Variants in COL25A1 observed in about 807,000 individuals in gnomAD.
The protein encoded by COL25A1 is collagen type XXV alpha 1 chain.
COL25A1 carries 103 observed loss-of-function variants against 128.4 expected under a neutral mutation model. The observed-to-expected ratio is 0.80, with a 90% CI of 0.68 to 0.94. The LOEUF (loss-of-function observed/expected upper bound fraction) is 0.94. Among genes scored for constraint, COL25A1 ranks in the 40% least tolerant of loss-of-function variants. COL25A1 has a pLI of 0.00. For missense variants in COL25A1, 745 were observed against 840.0 expected, an observed-to-expected ratio of 0.89 and a Z score of 1.40; for synonymous variants, 279 against 277.2, an observed-to-expected ratio of 1.01 and a Z score of -0.06.
At chr4:108,998,689 G>T (rs1182908682) in intron 6 of COL25A1, among the ~76,000 whole-genome samples, 1 of 152,182 alleles carries the variant, frequency 6.6e-6, no homozygotes, top group African/African-American at 2.4e-5. Context: ...AAAGCTGGAG[G>T]CAACATGCTA....
intron 3 of COL25A1, among the ~76,000 whole-genome samples, chr4:109,202,112 A>G (rs1273884101): frequency 6.6e-6 from 1 of 152,184 alleles, no homozygotes; most frequent in Non-Finnish European, 1.5e-5. Context: ...GTGAATACTG[A>G]CAAACTAAAT....
intron 6 of COL25A1, among the ~76,000 whole-genome samples, chr4:109,001,388 T>TGTCAGGTAGGCATCTGAGATCCA (rs1755368483): frequency 2.0e-5 from 3 of 152,196 alleles, no homozygotes; most frequent in Admixed American, 6.5e-5. Context: ...TCTGAGATCC[T>TGTCAGGTAGGCATCTGAGATCCA]GTCAGGTAGG....
chr4:108,917,367 T>G (rs1286946814), intron 13 of COL25A1, among the ~76,000 whole-genome samples: 2 of 152,118 alleles, frequency 1.3e-5, no homozygotes, highest in Non-Finnish European at 2.9e-5. Context: ...AGATAATGGG[T>G]CGCAGAGTAT....
At chr4:108,944,760 G>A (rs1005552065) in intron 8 of COL25A1, among the ~76,000 whole-genome samples, 10 of 151,610 alleles carry the variant, frequency 6.6e-5, no homozygotes, top group African/African-American at 2.4e-4. Flanking sequence ...GAGATCTAAA[G>A]AGAGAATTGG....
rs140578335 is a variant in COL25A1 at position 109,190,571 on chromosome 4, T to G, written c.367+110012A>C. 3.7e-3 allele frequency among the ~76,000 whole-genome samples: 569 copies of G among 152,258 alleles called. 2 individuals are homozygous for G. The highest frequency in any genetic ancestry group is 0.013 in the African/African-American group (524 of 41,556). On this transcript the variant is annotated intron_variant, in intron 3 of 37. Coordinates refer to ENST00000399132, the MANE Select transcript of COL25A1 (RefSeq NM_198721.4). Reference sequence around the variant, plus strand: ...CAGGTGAGAGATTGAGGTTGTAAAATAAGACAGTAGGTTGGTCAGCATCTA... The same window carrying G: ...CAGGTGAGAGATTGAGGTTGTAAAAGAAGACAGTAGGTTGGTCAGCATCTA...
chr4:109,248,720 C>T (rs373557098), intron 3 of COL25A1, among the ~76,000 whole-genome samples: 214 of 152,160 alleles, frequency 1.4e-3, no homozygotes, highest in African/African-American at 4.9e-3. Context: ...TCCAGCTCTC[C>T]GGTGAACAGC....
At chr4:108,945,197 T>C (rs569428296) in intron 8 of COL25A1, among the ~76,000 whole-genome samples, 1 of 152,304 alleles carries the variant, frequency 6.6e-6, no homozygotes, top group African/African-American at 2.4e-5. Context: ...CATCGATATA[T>C]ATTATAGGGT....
chr4:109,244,292 T>C (rs1054466354), intron 3 of COL25A1, among the ~76,000 whole-genome samples: 1 of 152,046 alleles, frequency 6.6e-6, no homozygotes, highest in Non-Finnish European at 1.5e-5. Flanking sequence ...CACTTTCCAA[T>C]ATTTTAGTAT....
intron 37 of COL25A1, 120 bp from the exon 38 acceptor site, chr4:108,814,049 T>C: frequency 2.7e-6 from 2 of 745,492 alleles, no homozygotes; most frequent in Non-Finnish European, 4.6e-6. Flanking sequence ...ATAAGCCAAC[T>C]GACTGGCTAT....
At chr4:109,290,377 C>A (rs1724348287) in intron 3 of COL25A1, among the ~76,000 whole-genome samples, 1 of 151,982 alleles carries the variant, frequency 6.6e-6, no homozygotes, top group Non-Finnish European at 1.5e-5. Context: ...TCAGAAATAG[C>A]TAAAGCTTGG....
Position 108,893,705 on chromosome 4 carries a change from A to T in COL25A1, c.906+2962T>A, listed in dbSNP as rs972982114. Among the ~76,000 whole-genome samples, 8 of 152,220 alleles carry T rather than the reference A, an allele frequency of 5.3e-5. No homozygotes were observed. In the East Asian group the frequency reaches 1.2e-3, roughly 22 times the overall value. On this transcript the variant is annotated intron_variant, in intron 16 of 37. Transcript: ENST00000399132. ...CAATGGCAGAAAAGAAGGATTTTTT[A>T]AAATTTTTACATCTCAAACTTGGTA...
At chr4:108,954,812 GA>G (rs1296866490) in intron 8 of COL25A1, among the ~76,000 whole-genome samples, 2 of 151,512 alleles carry the variant, frequency 1.3e-5, no homozygotes, top group Non-Finnish European at 3.0e-5. Context: ...AAATAAAAGA[GA>G]AAAAAAGGGA....
intron 9 of COL25A1, 61 bp downstream of exon 9, chr4:108,941,305 G>A: frequency 2.2e-6 from 3 of 1,342,660 alleles, no homozygotes; most frequent in Non-Finnish European, 3.2e-6. Flanking sequence ...TAAAGCAATA[G>A]GTACACAGAG....
At chr4:109,086,591 A>G (rs1459871864) in intron 3 of COL25A1, among the ~76,000 whole-genome samples, 3 of 152,226 alleles carry the variant, frequency 2.0e-5, no homozygotes, top group African/African-American at 7.2e-5. Context: ...TTCTCTAATC[A>G]GCCTTCCTGA....
intron 3 of COL25A1, among the ~76,000 whole-genome samples, chr4:109,155,604 G>A (rs1416464911): frequency 1.3e-5 from 2 of 152,164 alleles, no homozygotes; most frequent in Admixed American, 6.5e-5. Flanking sequence ...AGTAATCAAT[G>A]AATGAATGAA....
intron 5 of COL25A1, among the ~76,000 whole-genome samples, chr4:109,046,276 T>C: frequency 6.6e-6 from 1 of 152,164 alleles, no homozygotes; most frequent in East Asian, 1.9e-4. Flanking sequence ...CTCTCTTATT[T>C]CTATGTAATA....
intron 5 of COL25A1, among the ~76,000 whole-genome samples, chr4:109,017,720 G>A (rs899550335): frequency 2.6e-5 from 4 of 152,054 alleles, no homozygotes; most frequent in Admixed American, 1.3e-4. Flanking sequence ...ACAGATTCAC[G>A]TACATCCTTA....
chr4:109,121,038 A>G (rs1220831961), intron 3 of COL25A1, among the ~76,000 whole-genome samples: 3 of 152,078 alleles, frequency 2.0e-5, no homozygotes, highest in African/African-American at 7.2e-5. Flanking sequence ...ATCTTAATCT[A>G]TAGATTCAAT....
intron 5 of COL25A1, among the ~76,000 whole-genome samples, chr4:109,013,978 T>C (rs890028888): frequency 6.6e-6 from 1 of 152,154 alleles, no homozygotes; most frequent in African/African-American, 2.4e-5. Flanking sequence ...AAGCTTTTGG[T>C]CTTTCTGATG....
Sources: allele counts gnomAD v4.1 joint callset (sites outside exome capture counted in the v4.1 genomes callset), GRCh38; gene constraint gnomAD v4.1.1; transcripts MANE v1.5; gene names NCBI Gene and HGNC (gene_info 2026-07-23, HGNC 2026-07-21).